The following C1orf198 variants were observed in gnomAD, a reference collection of about 807,000 sequenced individuals.
C1orf198 encodes the protein chromosome 1 open reading frame 198, also known as uncharacterized protein C1orf198.
In C1orf198, 17 loss-of-function variants were observed where a neutral mutation model predicts 31.4. The observed-to-expected ratio is 0.54, with a 90% confidence interval of 0.37 to 0.81. The LOEUF (loss-of-function observed/expected upper bound fraction) is 0.81, where lower values mean the gene tolerates loss of function less well. Ranked by LOEUF, C1orf198 falls within the 40% of genes least tolerant of loss-of-function variation. C1orf198 has a pLI of 0.00. For missense variants in C1orf198, 401 were observed against 450.3 expected (o/e 0.89, Z 0.99); for synonymous variants, 175 against 193.8 (o/e 0.90, Z 0.81).
At chr1:230,844,013 G>A (rs947670208) in intron 2 of C1orf198, 117 bp from the exon 3 acceptor site, 26 of 1,092,016 alleles carry the variant, frequency 2.4e-5, no homozygotes, top group African/African-American at 1.1e-4. Context: ...AGCCACACAC[G>A]AGTTGTTGCC....
Position 230,857,785 on chromosome 1 carries a change from G to A in C1orf198, c.334-2067C>T, listed in dbSNP as rs1350673102. On this transcript the variant is annotated intron_variant, in intron 1 of 3. Transcript: ENST00000366663. The surrounding 1 kb of genome is among the most constrained non-coding windows in gnomAD (Gnocchi z 4.2). ...TATAAATATTAAGAATTACAAAAGT[G>A]AGGGAAAAGCCCTACAAACTGGGTT... 1.3e-5 allele frequency among the ~76,000 whole-genome samples: 2 copies of A among 152,190 alleles called. No homozygotes were observed. Among genetic ancestry groups the A allele is most frequent in the Non-Finnish European group, 2.9e-5 (2 of 68,040 alleles).
At chr1:230,841,911 G>GGATA (rs533659962) in intron 3 of C1orf198, among the ~76,000 whole-genome samples, 1 of 152,184 alleles carries the variant, frequency 6.6e-6, no homozygotes, top group Non-Finnish European at 1.5e-5. Context: ...ATGGATGAGT[G>GGATA]GATACACAAA....
intron 1 of C1orf198, chr1:230,856,082 G>A: frequency 1.3e-6 from 1 of 786,262 alleles, no homozygotes; most frequent in East Asian, 8.0e-5. Flanking sequence ...TGTGGCCATG[G>A]GAAGATGACT....
At chr1:230,852,231 T>C (rs1018213376) in intron 2 of C1orf198, among the ~76,000 whole-genome samples, 3 of 152,194 alleles carry the variant, frequency 2.0e-5, no homozygotes, top group Non-Finnish European at 4.4e-5. Flanking sequence ...AACACAGCTG[T>C]CCACTCACTG....
chr1:230,841,208 A>C (rs904571637), intron 3 of C1orf198, among the ~76,000 whole-genome samples: 2 of 152,180 alleles, frequency 1.3e-5, no homozygotes, highest in Non-Finnish European at 2.9e-5. Flanking sequence ...ATGGGCAGGT[A>C]CCGGAGAAGG....
intron 3 of C1orf198, among the ~76,000 whole-genome samples, chr1:230,842,001 C>T (rs1449648994): frequency 2.0e-5 from 3 of 152,126 alleles, no homozygotes; most frequent in African/African-American, 7.2e-5. Flanking sequence ...GCCTTGAAGA[C>T]GTCACATTAA....
intron 1 of C1orf198, among the ~76,000 whole-genome samples, chr1:230,864,081 C>T (rs1462602652): frequency 6.6e-6 from 1 of 152,134 alleles, no homozygotes; most frequent in Non-Finnish European, 1.5e-5. Context: ...CACACAGCAG[C>T]CAAACTCAAA....
rs1030153966 is a variant in C1orf198 at position 230,843,010 on chromosome 1, A to G, written c.927+344T>C. Among the ~76,000 whole-genome samples the G allele has an allele frequency of 6.6e-6, 1 of 152,148 alleles. No homozygotes were observed. The highest frequency in any genetic ancestry group is 6.5e-5 in the Admixed American group (1 of 15,280). On this transcript the variant is annotated intron_variant, in intron 3 of 3. Coordinates refer to ENST00000366663, the MANE Select transcript of C1orf198 (RefSeq NM_032800.3). The surrounding 1 kb of genome is among the most constrained non-coding windows in gnomAD (Gnocchi z 4.9). ...CCATTGCCTCTATGGACAGCTCCCAAAAAGAAGGCCCAACACAGCTTTGAG... is the reference window on the plus strand; with the variant it reads ...CCATTGCCTCTATGGACAGCTCCCAGAAAGAAGGCCCAACACAGCTTTGAG...
chr1:230,861,397 C>A (rs1398097446), intron 1 of C1orf198, among the ~76,000 whole-genome samples: 1 of 151,926 alleles, frequency 6.6e-6, no homozygotes, highest in Non-Finnish European at 1.5e-5. Flanking sequence ...TAAAGTGTGC[C>A]CCCCCCAAAA....
At chr1:230,849,844 C>G (rs2102980786) in intron 2 of C1orf198, among the ~76,000 whole-genome samples, 1 of 152,316 alleles carries the variant, frequency 6.6e-6, no homozygotes, top group African/African-American at 2.4e-5. Context: ...ACCTCCCCTC[C>G]AAAGAGGGAA....
At chr1:230,855,577 T>G in intron 2 of C1orf198, 91 bp downstream of exon 2, 2 of 1,403,822 alleles carry the variant, frequency 1.4e-6, no homozygotes, top group Non-Finnish European at 2.0e-6. Flanking sequence ...CAGGGGGCTG[T>G]CTTCTGAGTC....
chr1:230,861,933 C>A (rs1268988854), intron 1 of C1orf198, among the ~76,000 whole-genome samples: 1 of 152,224 alleles, frequency 6.6e-6, no homozygotes, highest in African/African-American at 2.4e-5. Flanking sequence ...TTCTGGTTGA[C>A]ACCTGTGGCA....
rs1298837549 is a variant in C1orf198 at position 230,857,339 on chromosome 1, G to A, written c.334-1621C>T. The stretch of plus-strand genomic sequence containing the variant: ...GACTCAGCGACTGCCCGTAGCGGAC[G>A]CTTACTCACTCTTTGAGAATATGTG... On this transcript the variant is annotated intron_variant, in intron 1 of 3. Coordinates refer to ENST00000366663, the MANE Select transcript of C1orf198 (RefSeq NM_032800.3). The surrounding 1 kb of genome is among the most constrained non-coding windows in gnomAD (Gnocchi z 4.2). Among the ~76,000 whole-genome samples the A allele has an allele frequency of 1.3e-5, 2 of 152,184 alleles. No individual in the cohort carries two copies. The highest frequency in any genetic ancestry group is 6.5e-5 in the Admixed American group (1 of 15,278).
In C1orf198 at chr1:230,843,597, G is replaced by A. The variant is rs1669508381; in HGVS notation, c.684C>T (p.Cys228=). 6 of 1,614,240 alleles carry A rather than the reference G, an allele frequency of 3.7e-6. No homozygotes were observed. In the East Asian group the frequency reaches 1.3e-4, roughly 36 times the overall value. Residue 228 remains cysteine, a synonymous_variant, in exon 3 of 4, where the codon TGC becomes TGT. Coordinates refer to ENST00000366663, the MANE Select transcript of C1orf198 (RefSeq NM_032800.3). This position sits in a 1 kb window ranked among gnomAD's most constrained non-coding sequence, Gnocchi z 4.9. ...MEKGEKVLPP[C]YRQEPAPKDR... The stretch of plus-strand genomic sequence containing the variant: ...CCTTCGGGGCAGGTTCCTGCCGGTA[G>A]CAGGGAGGCAAGACCTTTTCCCCCT...
intron 2 of C1orf198, among the ~76,000 whole-genome samples, chr1:230,853,636 G>A (rs1042337697): frequency 1.3e-5 from 2 of 152,156 alleles, no homozygotes; most frequent in Admixed American, 6.5e-5. Flanking sequence ...AGGACACAGA[G>A]TGAGCCCAAC....
At chr1:230,854,749 C>G (rs1669832183) in intron 2 of C1orf198, among the ~76,000 whole-genome samples, 1 of 152,232 alleles carries the variant, frequency 6.6e-6, no homozygotes, top group African/African-American at 2.4e-5. Flanking sequence ...CAGTCGCCAA[C>G]ATGAGGGCCT....
intron 2 of C1orf198, among the ~76,000 whole-genome samples, chr1:230,845,726 AAAAT>A (rs1233513607): frequency 3.3e-5 from 5 of 152,120 alleles, no homozygotes; most frequent in South Asian, 2.1e-4. Flanking sequence ...ATATACATTA[AAAAT>A]AAATAAATAA....
intron 1 of C1orf198, among the ~76,000 whole-genome samples, chr1:230,863,319 G>C (rs1670040307): frequency 6.6e-6 from 1 of 152,220 alleles, no homozygotes. Flanking sequence ...AGGATACAGA[G>C]TAGGTGGAGG....
At chr1:230,855,893 G>A (rs1435401034) in intron 1 of C1orf198, 175 bp from the exon 2 acceptor site, 2 of 1,373,170 alleles carry the variant, frequency 1.5e-6, no homozygotes, top group African/African-American at 1.5e-5. Flanking sequence ...TGATCAGATT[G>A]CTCCCTCATC....
Sources: allele counts gnomAD v4.1 joint callset (sites outside exome capture counted in the v4.1 genomes callset), GRCh38; gene constraint gnomAD v4.1.1; non-coding constraint Gnocchi (gnomAD v3.1); transcripts MANE v1.5; gene names NCBI Gene and HGNC (gene_info 2026-07-23, HGNC 2026-07-21).